ARHGEF4: variants seen among roughly 807,000 people sequenced by gnomAD.
The protein encoded by ARHGEF4 is Rho guanine nucleotide exchange factor 4.
A neutral mutation model predicts 162.0 loss-of-function variants in ARHGEF4; 119 were observed. The observed-to-expected ratio is 0.73, with a 90% CI of 0.63 to 0.86. The LOEUF is 0.86. ARHGEF4 is among the 40% of genes least tolerant of loss of function. The pLI is 0.00. For synonymous variants in ARHGEF4, 1,014 were observed against 979.9 expected, an observed-to-expected ratio of 1.03 and a Z score of -0.65; for missense variants, 2,488 against 2,456.0, an observed-to-expected ratio of 1.01 and a Z score of -0.28.
chr2:131,030,736 C>T (rs894520578), intron 5 of ARHGEF4, among the ~76,000 whole-genome samples: 5 of 152,190 alleles, frequency 3.3e-5, no homozygotes, highest in Admixed American at 6.5e-5. Context: ...TCCAGCACAG[C>T]GCTGCAGCAA....
At chr2:130,942,433 G>A in intron 3 of ARHGEF4, among the ~76,000 whole-genome samples, 1 of 152,106 alleles carries the variant, frequency 6.6e-6, no homozygotes, top group Non-Finnish European at 1.5e-5. Flanking sequence ...ACAGGCATGA[G>A]CCACCACGCC....
At chr2:130,986,410 C>T (rs185076160) in intron 4 of ARHGEF4, among the ~76,000 whole-genome samples, 185 of 152,294 alleles carry the variant, frequency 1.2e-3, no homozygotes, top group African/African-American at 4.2e-3. Context: ...GCCAGACAGA[C>T]GTTCTGGGAG....
chr2:131,046,362 C>A lies in ARHGEF4; in HGVS notation c.*173C>A. On this transcript the variant is annotated 3_prime_UTR_variant, in exon 14 of 14. Coordinates refer to ENST00000409359, the MANE Select transcript of ARHGEF4 (RefSeq NM_001367493.1). ...GGTCTGTACTCCTGTTGTCTTTTTC[C>A]CTGCTCCTGGTGCCCTGAAGAGACC... 2.9e-6 allele frequency: 2 copies of A among 689,368 alleles called. No individual in the cohort carries two copies. The highest frequency in any genetic ancestry group is 4.8e-6 in the Non-Finnish European group (2 of 419,730). 42.7% of individuals were successfully genotyped at this position (689,368 alleles called of 1,614,324 possible). A position where few individuals can be genotyped will look rare whatever the true frequency, so the allele number is the denominator to read the frequency against.
At position 130,916,861 on chromosome 2, in the gene ARHGEF4, T is replaced by G. The variant is rs1458808139; in HGVS notation, c.2915T>G (p.Leu972Arg). 1 of 1,550,324 alleles carries G rather than the reference T, an allele frequency of 6.5e-7. No individual in the cohort carries two copies. The highest frequency in any genetic ancestry group is 2.0e-5 in the Admixed American group (1 of 51,000). The change falls in exon 2 of 14, where the codon CTG (leucine) becomes CGG (arginine). Residue 972 changes from leucine (L) to arginine (R), a missense_variant. Leu to Arg is a moderately radical substitution (Grantham distance 102, BLOSUM62 -2). This residue lies in a region of ARHGEF4 where 1,642 missense variants were observed against 1,481.5 expected (regional missense o/e 1.11). Coordinates refer to ENST00000409359, the MANE Select transcript of ARHGEF4 (RefSeq NM_001367493.1). The part of the protein sequence containing the change: ...GSPKKPTLVS[L>R]PLGPEVLSPA... ...CCCAAAAAGCCCACCCTAGTGAGTC[T>G]GCCTCTAGGACCCGAAGTTCTCTCC...
At chr2:130,875,877 A>G (rs556021941) in intron 1 of ARHGEF4, among the ~76,000 whole-genome samples, 1 of 152,284 alleles carries the variant, frequency 6.6e-6, no homozygotes, top group South Asian at 2.1e-4. Context: ...TTATGTCTCC[A>G]TATGGAAGCC....
chr2:130,986,159 G>T (rs1200409055), intron 4 of ARHGEF4, among the ~76,000 whole-genome samples: 1 of 151,564 alleles, frequency 6.6e-6, no homozygotes, highest in African/African-American at 2.4e-5. Flanking sequence ...GGTGTGTGTT[G>T]CATGTGTATG....
At chr2:130,850,709 C>T (rs1431468050) in intron 1 of ARHGEF4, among the ~76,000 whole-genome samples, 1 of 152,204 alleles carries the variant, frequency 6.6e-6, no homozygotes, top group Non-Finnish European at 1.5e-5. Context: ...CTTCAGATGC[C>T]CTCGTGATGG....
chr2:130,954,797 G>A (rs1168845843), intron 4 of ARHGEF4, among the ~76,000 whole-genome samples: 1 of 152,156 alleles, frequency 6.6e-6, no homozygotes, highest in Non-Finnish European at 1.5e-5. Context: ...AAATAACTGA[G>A]TTTCCTGGGT....
At chr2:130,884,285 G>C (rs1370284855) in intron 1 of ARHGEF4, among the ~76,000 whole-genome samples, 2 of 151,398 alleles carry the variant, frequency 1.3e-5, no homozygotes, top group Non-Finnish European at 2.9e-5. Context: ...CATGCACACA[G>C]ACACACATAG....
intron 1 of ARHGEF4, among the ~76,000 whole-genome samples, chr2:130,848,629 G>C (rs1243795499): frequency 2.6e-5 from 4 of 152,208 alleles, no homozygotes; most frequent in Admixed American, 1.3e-4. Flanking sequence ...GACAGCGCTT[G>C]AGTGATCCTG....
At chr2:131,001,678 A>T (rs193049416) in intron 4 of ARHGEF4, among the ~76,000 whole-genome samples, 1 of 152,184 alleles carries the variant, frequency 6.6e-6, no homozygotes, top group East Asian at 1.9e-4. Flanking sequence ...ATGTATGCAT[A>T]GCAGGCAGCT....
At chr2:130,923,150 G>C (rs1342226666) in intron 2 of ARHGEF4, among the ~76,000 whole-genome samples, 1 of 152,026 alleles carries the variant, frequency 6.6e-6, no homozygotes, top group African/African-American at 2.4e-5. Context: ...GGGTGGTCTC[G>C]AACTCATGAG....
At chr2:130,906,697 T>C (rs1489022303) in intron 1 of ARHGEF4, among the ~76,000 whole-genome samples, 2 of 152,254 alleles carry the variant, frequency 1.3e-5, no homozygotes, top group Non-Finnish European at 2.9e-5. Flanking sequence ...AGTACAGCGT[T>C]CAAAGTTCTT....
chr2:130,885,522 G>C (rs182314274), intron 1 of ARHGEF4, among the ~76,000 whole-genome samples: 3 of 151,094 alleles, frequency 2.0e-5, no homozygotes, highest in African/African-American at 7.3e-5. Flanking sequence ...GTGGAGGGGG[G>C]TGAGGGCATA....
At chr2:130,890,820 T>C (rs1471413955) in intron 1 of ARHGEF4, among the ~76,000 whole-genome samples, 1 of 152,198 alleles carries the variant, frequency 6.6e-6, no homozygotes, top group Non-Finnish European at 1.5e-5. Context: ...CATACTTGTT[T>C]TCGTTTGAGG....
chr2:130,845,549 G>A (rs1044484482), intron 1 of ARHGEF4, among the ~76,000 whole-genome samples: 36 of 151,338 alleles, frequency 2.4e-4, no homozygotes, highest in African/African-American at 7.8e-4. Context: ...TGCCCACCTC[G>A]GCCTCCCAAA....
At chr2:130,846,566 G>A (rs1574086094) in intron 1 of ARHGEF4, among the ~76,000 whole-genome samples, 3 of 152,336 alleles carry the variant, frequency 2.0e-5, no homozygotes, top group African/African-American at 4.8e-5. Context: ...GATATGGGAC[G>A]GCGAGAGAGA....
chr2:130,898,585 G>A (rs1680301672), intron 1 of ARHGEF4, among the ~76,000 whole-genome samples: 1 of 152,162 alleles, frequency 6.6e-6, no homozygotes, highest in African/African-American at 2.4e-5. Context: ...AGGTTGCCCA[G>A]AGGATGAGAG....
intron 1 of ARHGEF4, among the ~76,000 whole-genome samples, chr2:130,897,920 G>A (rs1210253010): frequency 6.6e-6 from 1 of 152,150 alleles, no homozygotes; most frequent in African/African-American, 2.4e-5. Context: ...GCAAATACCG[G>A]GCGACAGAAA....
Sources: gnomAD v4.1 joint callset for allele counts (sites outside exome capture counted in the v4.1 genomes callset) on GRCh38, gnomAD v4.1.1 for gene constraint, gnomAD v4.1.1 regional missense constraint, MANE v1.5 for transcripts, NCBI Gene and HGNC (gene_info 2026-07-23, HGNC 2026-07-21) for gene names.